The following DNM3 variants were observed in gnomAD, a reference collection of about 807,000 sequenced individuals.
DNM3 encodes the protein dynamin 3, also known as dynamin-3.
A neutral mutation model predicts 101.6 loss-of-function variants in DNM3; 47 were observed. That is an observed-to-expected ratio of 0.46 (90% CI 0.37 to 0.59). The LOEUF is 0.59. DNM3 is among the 20% of genes least tolerant of loss of function. The pLI is 0.00. For synonymous variants in DNM3, 385 were observed against 387.9 expected (o/e 0.99, Z 0.09); for missense variants, 849 against 1,085.7 (o/e 0.78, Z 3.06).
At chr1:172,061,527 G>C (rs1404769090) in intron 10 of DNM3, among the ~76,000 whole-genome samples, 2 of 151,698 alleles carry the variant, frequency 1.3e-5, no homozygotes, top group East Asian at 1.9e-4. Flanking sequence ...CATAAAAAAT[G>C]ATGAGTTCGT....
intron 13 of DNM3, among the ~76,000 whole-genome samples, chr1:172,093,252 TCA>T (rs2054031679): frequency 6.6e-6 from 1 of 152,152 alleles, no homozygotes. Context: ...GCTAACTAGT[TCA>T]CACATTTGCA....
chr1:171,861,287 G>A (rs547350717), intron 1 of DNM3, among the ~76,000 whole-genome samples: 226 of 152,060 alleles, frequency 1.5e-3, no homozygotes, highest in African/African-American at 5.3e-3. Context: ...ATTCAGAATG[G>A]CCAAAACAAT....
At chr1:172,227,213 C>T (rs917245314) in intron 14 of DNM3, among the ~76,000 whole-genome samples, 4 of 144,030 alleles carry the variant, frequency 2.8e-5, no homozygotes, top group Non-Finnish European at 6.0e-5. Flanking sequence ...CCAGTTACAT[C>T]CAAGTTGCTG....
At chr1:172,321,258 A>G (rs1244122622) in intron 16 of DNM3, among the ~76,000 whole-genome samples, 1 of 152,202 alleles carries the variant, frequency 6.6e-6, no homozygotes, top group African/African-American at 2.4e-5. Context: ...ATACATATTT[A>G]TTAAAGTGCT....
intron 2 of DNM3, among the ~76,000 whole-genome samples, chr1:171,925,158 C>T (rs1396979469): frequency 6.6e-6 from 1 of 150,992 alleles, no homozygotes; most frequent in Non-Finnish European, 1.5e-5. Flanking sequence ...ACCTCGGTCT[C>T]CCAAAGTGTT....
At chr1:172,262,406 C>T (rs1557898519) in intron 15 of DNM3, among the ~76,000 whole-genome samples, 1 of 152,244 alleles carries the variant, frequency 6.6e-6, no homozygotes, top group East Asian at 1.9e-4. Flanking sequence ...GCAGTGCCTT[C>T]ATGTGGTCTC....
At chr1:172,194,530 G>T (rs1049249050) in intron 14 of DNM3, among the ~76,000 whole-genome samples, 1 of 152,114 alleles carries the variant, frequency 6.6e-6, no homozygotes, top group Non-Finnish European at 1.5e-5. Flanking sequence ...CTTGCTTTAT[G>T]AATCTGGGTG....
chr1:171,919,183 T>G (rs1311745276), intron 1 of DNM3, among the ~76,000 whole-genome samples: 2 of 151,672 alleles, frequency 1.3e-5, no homozygotes, highest in East Asian at 3.9e-4. Flanking sequence ...TACTTTAAAG[T>G]TCTGGGATAC....
At chr1:172,366,970 T>C (rs778287276) in intron 17 of DNM3, among the ~76,000 whole-genome samples, 4 of 151,866 alleles carry the variant, frequency 2.6e-5, no homozygotes, top group Non-Finnish European at 4.4e-5. Context: ...TTGCGTGTCT[T>C]GATAGAAATA....
intron 14 of DNM3, among the ~76,000 whole-genome samples, chr1:172,163,535 G>C (rs2058629314): frequency 6.6e-6 from 1 of 151,988 alleles, no homozygotes; most frequent in Admixed American, 6.6e-5. Flanking sequence ...ACTGTGCCTG[G>C]CCAATATTCT....
chr1:171,926,158 G>A (rs2040555620), intron 2 of DNM3, among the ~76,000 whole-genome samples: 1 of 152,072 alleles, frequency 6.6e-6, no homozygotes, highest in Non-Finnish European at 1.5e-5. Context: ...GATGCCTCTG[G>A]CTTTGTTCTT....
chr1:172,006,234 T>C (rs1270392824), intron 4 of DNM3, among the ~76,000 whole-genome samples: 3 of 152,090 alleles, frequency 2.0e-5, no homozygotes, highest in African/African-American at 7.2e-5. Context: ...TAAATCCTAA[T>C]TGTGCTTTCT....
intron 14 of DNM3, among the ~76,000 whole-genome samples, chr1:172,192,829 A>G (rs1000352786): frequency 9.2e-5 from 14 of 151,788 alleles, no homozygotes; most frequent in Middle Eastern, 3.4e-3. Context: ...TAATGTCGCA[A>G]TAAACATATG....
rs2056918484 is a variant in DNM3, at chr1:172,131,186, G to A, written c.1557G>A (p.Lys519=). ...KTTVGNQVIR[K]GWLTISNIGI... is the part of the protein sequence containing the mutation. Reference sequence around the variant, plus strand: ...CTGCTTTTTCGTAGGTGATTCGCAAGGGGTGGCTCACCATCAGCAACATTG... The same window carrying A: ...CTGCTTTTTCGTAGGTGATTCGCAAAGGGTGGCTCACCATCAGCAACATTG... Residue 519 remains lysine (K), a synonymous_variant, in exon 14 of 21, where the codon AAG becomes AAA. Coordinates refer to ENST00000627582, the MANE Select transcript of DNM3 (RefSeq NM_015569.5). The A allele has an allele frequency of 2.5e-6, 4 of 1,613,152 alleles. No homozygotes were observed. The highest frequency in any genetic ancestry group is 2.7e-5 in the African/African-American group (2 of 74,860).
At chr1:172,017,760 T>A (rs533873339) in intron 4 of DNM3, among the ~76,000 whole-genome samples, 237 of 152,276 alleles carry the variant, frequency 1.6e-3, no homozygotes, top group African/African-American at 5.3e-3. Context: ...CTTACGGATT[T>A]TCTGCTTGCT....
intron 18 of DNM3, among the ~76,000 whole-genome samples, chr1:172,383,752 G>A (rs1449964215): frequency 6.6e-6 from 1 of 152,084 alleles, no homozygotes. Flanking sequence ...GAAAACATGT[G>A]GAACATTTTT....
intron 2 of DNM3, among the ~76,000 whole-genome samples, chr1:171,974,005 A>G (rs747360297): frequency 2.6e-5 from 4 of 151,372 alleles, no homozygotes; most frequent in Non-Finnish European, 5.9e-5. Context: ...TTTTTTAATC[A>G]CTAGTGTTTT....
intron 17 of DNM3, among the ~76,000 whole-genome samples, chr1:172,336,535 T>A (rs956202712): frequency 1.7e-4 from 25 of 150,106 alleles, no homozygotes; most frequent in Admixed American, 1.3e-4. Context: ...ATTACATTTT[T>A]AAAAATTATT....
At chr1:172,113,638 A>AC (rs926022611) in intron 13 of DNM3, among the ~76,000 whole-genome samples, 1 of 151,228 alleles carries the variant, frequency 6.6e-6, no homozygotes, top group African/African-American at 2.4e-5. Context: ...AAAAAAAAAA[A>AC]AAAAAACAAC....
Sources: gnomAD v4.1 joint callset for allele counts (sites outside exome capture counted in the v4.1 genomes callset) on GRCh38, gnomAD v4.1.1 for gene constraint, MANE v1.5 for transcripts, NCBI Gene and HGNC (gene_info 2026-07-23, HGNC 2026-07-21) for gene names.